Variants in TRAPPC9 observed in about 807,000 individuals in gnomAD.
TRAPPC9 encodes trafficking protein particle complex subunit 9.
TRAPPC9 carries 83 observed loss-of-function variants against 124.0 expected under a neutral mutation model. That is an observed-to-expected ratio of 0.67 (90% confidence interval 0.56 to 0.80). TRAPPC9 has a LOEUF of 0.80. Among genes scored for constraint, TRAPPC9 ranks in the 30% least tolerant of loss-of-function variants. The pLI is 0.00. For synonymous variants in TRAPPC9, 638 were observed against 617.5 expected, an observed-to-expected ratio of 1.03 and a Z score of -0.49; for missense variants, 1,302 against 1,508.3, an observed-to-expected ratio of 0.86 and a Z score of 2.27.
intron 2 of TRAPPC9, among the ~76,000 whole-genome samples, chr8:140,447,491 A>G (rs987927405): frequency 1.3e-5 from 2 of 152,180 alleles, no homozygotes; most frequent in African/African-American, 4.8e-5. Flanking sequence ...AGAAAAAGAA[A>G]AAGAAAAGAA....
At chr8:139,875,397 G>T (rs1373882356) in intron 21 of TRAPPC9, among the ~76,000 whole-genome samples, 1 of 152,220 alleles carries the variant, frequency 6.6e-6, no homozygotes, top group Non-Finnish European at 1.5e-5. Flanking sequence ...ATGGAACACT[G>T]GGGGCCTGTG....
chr8:140,182,760 AC>A lies in TRAPPC9; in HGVS notation c.2556+38698del, dbSNP rs749289403. ...CCTCTTGACCTGGCCTTGACCTATT[AC>A]CCTCAGCTGAACACATCGTCACACA... On this transcript the variant is annotated intron_variant, in intron 17 of 22. Transcript: ENST00000438773. This position sits in a 1 kb window ranked among gnomAD's most constrained non-coding sequence, Gnocchi z 4.0. 2.0e-5 allele frequency among the ~76,000 whole-genome samples: 3 copies of A among 152,010 alleles called. No homozygotes were observed. Among genetic ancestry groups the A allele is most frequent in the South Asian group, 2.1e-4 (1 of 4,816 alleles).
chr8:140,323,837 C>T (rs551132268), intron 9 of TRAPPC9, among the ~76,000 whole-genome samples: 1 of 152,174 alleles, frequency 6.6e-6, no homozygotes, highest in East Asian at 1.9e-4. Context: ...CGATAAAAAA[C>T]CCAAGATCCA....
intron 17 of TRAPPC9, among the ~76,000 whole-genome samples, chr8:140,170,048 C>G (rs2061935459): frequency 6.6e-6 from 1 of 152,126 alleles, no homozygotes; most frequent in South Asian, 2.1e-4. Flanking sequence ...ATATATGAGT[C>G]TTTTACATGA....
chr8:140,119,042 G>C (rs2060939005), intron 17 of TRAPPC9, among the ~76,000 whole-genome samples: 1 of 152,230 alleles, frequency 6.6e-6, no homozygotes, highest in Admixed American at 6.5e-5. Flanking sequence ...TCTAATGTCA[G>C]GCCAAGGCCA....
chr8:139,805,821 G>T, intron 21 of TRAPPC9, among the ~76,000 whole-genome samples: 1 of 152,106 alleles, frequency 6.6e-6, no homozygotes, highest in South Asian at 2.1e-4. Context: ...AAGAAGGAGG[G>T]CTCATGATAC....
At chr8:140,041,919 T>A (rs2132034054) in intron 17 of TRAPPC9, among the ~76,000 whole-genome samples, 1 of 151,792 alleles carries the variant, frequency 6.6e-6, no homozygotes, top group South Asian at 2.1e-4. Flanking sequence ...TGCAGTGAGC[T>A]GAGATCGCAC....
At chr8:140,446,955 C>T (rs1052146107) in intron 2 of TRAPPC9, among the ~76,000 whole-genome samples, 1 of 152,174 alleles carries the variant, frequency 6.6e-6, no homozygotes, top group African/African-American at 2.4e-5. Flanking sequence ...TCCCGCAGCT[C>T]CCCTGGCCAC....
chr8:139,798,962 T>A (rs565245866), intron 21 of TRAPPC9, among the ~76,000 whole-genome samples: 18 of 152,178 alleles, frequency 1.2e-4, no homozygotes, highest in Non-Finnish European at 2.4e-4. Context: ...TGGAATTCCT[T>A]GGTTTGTAAC....
chr8:139,907,152 T>C lies in TRAPPC9; in HGVS notation c.2964+2995A>G, dbSNP rs1201218278. Among the ~76,000 whole-genome samples the C allele has an allele frequency of 1.3e-5, 2 of 152,108 alleles. No individual in the cohort carries two copies. Among genetic ancestry groups the C allele is most frequent in the Non-Finnish European group, 2.9e-5 (2 of 68,030 alleles). On this transcript the variant is annotated intron_variant, in intron 20 of 22. Transcript: ENST00000438773. The surrounding 1 kb of genome is among the most constrained non-coding windows in gnomAD (Gnocchi z 4.7). ...AAGCAAATCTGTACCATATTTGTCA[T>C]TAACAGGTGAAGAGTGGGGTGAGAG...
At chr8:140,344,499 G>A (rs143225255) in intron 9 of TRAPPC9, among the ~76,000 whole-genome samples, 211 of 152,242 alleles carry the variant, frequency 1.4e-3, no homozygotes, top group Non-Finnish European at 2.6e-3. Context: ...ACGGTGGCAC[G>A]CCTGCCCTCA....
chr8:140,445,938 G>C (rs2071236431), intron 2 of TRAPPC9, among the ~76,000 whole-genome samples: 1 of 152,186 alleles, frequency 6.6e-6, no homozygotes, highest in African/African-American at 2.4e-5. Context: ...TGGTGTTGGA[G>C]ACTCTAGATC....
At chr8:140,277,318 G>A (rs558277838) in intron 14 of TRAPPC9, among the ~76,000 whole-genome samples, 1 of 152,296 alleles carries the variant, frequency 6.6e-6, no homozygotes, top group African/African-American at 2.4e-5. Context: ...TGAGCTCCTT[G>A]GAATTTAAAT....
rs554963814 is a variant in TRAPPC9, at chr8:139,902,329, C to T, written c.2964+7818G>A. ...GGCAGCAATCAAATCTGTGCCTCTC[C>T]CACCTTACCCTCCAGCCCACCGAAG... On this transcript the variant is annotated intron_variant, in intron 20 of 22. Coordinates refer to ENST00000438773, the MANE Select transcript of TRAPPC9 (RefSeq NM_001160372.4). Among the ~76,000 whole-genome samples, 3 of 152,290 alleles carry T rather than the reference C, an allele frequency of 2.0e-5. No individual in the cohort carries two copies. In the East Asian group the frequency reaches 5.8e-4, roughly 29 times the overall value.
chr8:140,245,223 C>A (rs1420079497), intron 16 of TRAPPC9, among the ~76,000 whole-genome samples: 1 of 152,186 alleles, frequency 6.6e-6, no homozygotes, highest in Non-Finnish European at 1.5e-5. Flanking sequence ...CGACACAGGT[C>A]CAGAAGCAGA....
intron 19 of TRAPPC9, among the ~76,000 whole-genome samples, chr8:139,911,817 C>T (rs997021798): frequency 4.0e-5 from 6 of 151,174 alleles, no homozygotes; most frequent in South Asian, 4.2e-4. Flanking sequence ...TTCCCTTGAA[C>T]GAGCAAGAAA....
intron 4 of TRAPPC9, 67 bp from the exon 5 acceptor site, chr8:140,426,708 A>G: frequency 6.8e-7 from 1 of 1,472,010 alleles, no homozygotes; most frequent in South Asian, 1.1e-5. Flanking sequence ...ATAACTACTA[A>G]AACACATTTC....
intron 17 of TRAPPC9, among the ~76,000 whole-genome samples, chr8:140,136,590 C>A (rs1349019180): frequency 1.3e-5 from 2 of 152,210 alleles, no homozygotes; most frequent in African/African-American, 4.8e-5. Flanking sequence ...GTAATCCCAG[C>A]ACTTTGGGAG....
At chr8:140,373,460 T>A (rs72692377) in intron 7 of TRAPPC9, among the ~76,000 whole-genome samples, 1 of 152,152 alleles carries the variant, frequency 6.6e-6, no homozygotes, top group Non-Finnish European at 1.5e-5. Flanking sequence ...CTCATGCCCT[T>A]CAGCGGGAAG....
Sources: gnomAD v4.1 joint callset for allele counts (sites outside exome capture counted in the v4.1 genomes callset) on GRCh38, gnomAD v4.1.1 for gene constraint, Gnocchi (gnomAD v3.1) non-coding constraint, MANE v1.5 for transcripts, NCBI Gene and HGNC (gene_info 2026-07-23, HGNC 2026-07-21) for gene names.